CAPRIN2: variants seen among roughly 807,000 people sequenced by gnomAD.
CAPRIN2 encodes caprin-2.
CAPRIN2 carries 66 observed loss-of-function variants against 130.4 expected under a neutral mutation model. The observed-to-expected ratio is 0.51, with a 90% CI of 0.42 to 0.62. The LOEUF is 0.62. Among genes scored for constraint, CAPRIN2 ranks in the 20% least tolerant of loss-of-function variants. The pLI, the probability that CAPRIN2 is intolerant of heterozygous loss-of-function variation, is 0.00. For synonymous variants in CAPRIN2, 471 were observed against 444.1 expected, an observed-to-expected ratio of 1.06 and a Z score of -0.76; for missense variants, 1,185 against 1,246.6, an observed-to-expected ratio of 0.95 and a Z score of 0.74.
rs1315856424 is a variant in CAPRIN2, at chr12:30,716,625, C to CT, written c.2199dup (p.Glu734ArgfsTer45). 6.2e-7 allele frequency: 1 copy of CT among 1,613,898 alleles called. No individual in the cohort carries two copies. The highest frequency in any genetic ancestry group is 8.5e-7 in the Non-Finnish European group (1 of 1,179,870). On this transcript the variant is annotated frameshift_variant, in exon 13 of 17. Transcript: ENST00000298892. LOFTEE classifies it high-confidence loss of function. Reference sequence around the variant, plus strand: ...TTGTAGCCAGGTGAATAAGGGGATTCTTTTATTTCTTGTTCTTTTCGTGGA... The same window carrying CT: ...TTGTAGCCAGGTGAATAAGGGGATTCTTTTTATTTCTTGTTCTTTTCGTGGA...
chr12:30,711,401 G>A (rs553404106), intron 16 of CAPRIN2, among the ~76,000 whole-genome samples, 165 bp downstream of exon 18: 44 of 152,160 alleles, frequency 2.9e-4, no homozygotes, highest in African/African-American at 1.0e-3. Context: ...CTATCTAGTG[G>A]TCTAGTATCT....
At chr12:30,734,940 T>C (rs748852056) in intron 4 of CAPRIN2, 28 bp downstream of exon 5, 8 of 1,508,486 alleles carry the variant, frequency 5.3e-6, no homozygotes, top group East Asian at 2.3e-5. Flanking sequence ...AAGTGTTTCA[T>C]TTCAGGAAAA....
intron 3 of CAPRIN2, among the ~76,000 whole-genome samples, chr12:30,738,903 A>G (rs1441965321): frequency 1.3e-5 from 2 of 152,216 alleles, no homozygotes; most frequent in African/African-American, 2.4e-5. Context: ...TCAAAAACTG[A>G]CAAATGCTGT....
At chr12:30,711,536 T>A (rs757405792) in intron 16 of CAPRIN2, 30 bp downstream of exon 18, 18 of 1,559,796 alleles carry the variant, frequency 1.2e-5, no homozygotes, top group East Asian at 6.7e-5. Context: ...ATGTGCTGGG[T>A]AAGAAAACTA....
intron 3 of CAPRIN2, among the ~76,000 whole-genome samples, chr12:30,740,447 C>T (rs992141855): frequency 1.3e-5 from 2 of 152,112 alleles, no homozygotes; most frequent in South Asian, 2.1e-4. Context: ...GTAAAGAATA[C>T]TTCACTGAGA....
intron 3 of CAPRIN2, among the ~76,000 whole-genome samples, chr12:30,738,294 T>C (rs1469884358): frequency 6.7e-6 from 1 of 149,776 alleles, no homozygotes; most frequent in African/African-American, 2.5e-5. Flanking sequence ...ACCTCTAGAC[T>C]ACAGCAGCAA....
At chr12:30,747,637 A>G (rs544353020) in intron 2 of CAPRIN2, among the ~76,000 whole-genome samples, 1 of 151,990 alleles carries the variant, frequency 6.6e-6, no homozygotes, top group African/African-American at 2.4e-5. Flanking sequence ...AGATCGTGCC[A>G]TTGTACTCCA....
exon 8 of CAPRIN2, chr12:30,729,062 C>T: frequency 6.2e-7 from 1 of 1,614,156 alleles, no homozygotes; most frequent in African/African-American, 1.3e-5. Flanking sequence ...GCTTCTTCTG[C>T]TCTTCCGGCA....
In CAPRIN2 at chr12:30,729,894, G is replaced by A. The variant is rs529939882; in HGVS notation, c.1104+345C>T. On this transcript the variant is annotated intron_variant, in intron 7 of 16. Transcript: ENST00000298892. ...CCAATGTGAGTAAATTCTGGAGAGAGCAAAGTCCTGCGCATCTTAAAGTTC... is the reference window on the plus strand; with the variant it reads ...CCAATGTGAGTAAATTCTGGAGAGAACAAAGTCCTGCGCATCTTAAAGTTC... Among the ~76,000 whole-genome samples, 4 of 152,288 alleles carry A rather than the reference G, an allele frequency of 2.6e-5. No homozygotes were observed. The South Asian group carries it at 8.3e-4, about 32-fold the overall frequency.
intron 9 of CAPRIN2, among the ~76,000 whole-genome samples, chr12:30,725,738 A>G (rs551659636): frequency 4.0e-5 from 6 of 151,194 alleles, no homozygotes; most frequent in Non-Finnish European, 8.9e-5. Flanking sequence ...TGCTTAATTC[A>G]TTTTTTTTTG....
At chr12:30,750,424 G>A (rs777410822) in intron 2 of CAPRIN2, among the ~76,000 whole-genome samples, 8 of 152,160 alleles carry the variant, frequency 5.3e-5, no homozygotes, top group African/African-American at 9.6e-5. Flanking sequence ...TTTTCTTTCC[G>A]CGCTGCAAAA....
intron 6 of CAPRIN2, 68 bp from the exon 8 acceptor site, chr12:30,730,350 T>C: frequency 9.4e-7 from 1 of 1,059,042 alleles, no homozygotes; most frequent in Non-Finnish European, 1.5e-6. Context: ...ATTACAACTA[T>C]AATTCATTCT....
chr12:30,738,313 A>C lies in CAPRIN2; in HGVS notation c.570+2707T>G, dbSNP rs148317118. Among the ~76,000 whole-genome samples the C allele has an allele frequency of 2.9e-3, 442 of 152,218 alleles. 2 individuals carry two copies. Among genetic ancestry groups the C allele is most frequent in the East Asian group, 6.6e-3 (34 of 5,182 alleles). Reference sequence around the variant, plus strand: ...CTAGACTACAGCAGCAAAGAAAAAAAAAAACAAAACAGATAAGACACTATA... The same window carrying C: ...CTAGACTACAGCAGCAAAGAAAAAACAAAACAAAACAGATAAGACACTATA... On this transcript the variant is annotated intron_variant, in intron 3 of 16. Coordinates refer to ENST00000298892, the Ensembl canonical transcript of CAPRIN2.
chr12:30,715,177 A>C, intron 13 of CAPRIN2, 36 bp from the exon 16 acceptor site: 1 of 1,561,850 alleles, frequency 6.4e-7, no homozygotes, highest in Non-Finnish European at 8.8e-7. Flanking sequence ...TCCAAGAGTT[A>C]AATGGTAATA....
chr12:30,710,328 T>C lies in CAPRIN2; in HGVS notation c.2808A>G (p.Pro936=), dbSNP rs202247225. The change falls in exon 17 of 17, where the codon CCA becomes CCG. Residue 936 remains proline (P), a synonymous_variant. Coordinates refer to ENST00000298892, the Ensembl canonical transcript of CAPRIN2. The surrounding 1 kb of genome is among the most constrained non-coding windows in gnomAD (Gnocchi z 4.8). ...GCTGAGGCAGAGGGTAGACGTGTAC[T>C]GGCAGTATGGTGGCTGCTGGATTTG... 1 of 1,614,168 alleles carries C rather than the reference T, an allele frequency of 6.2e-7. No homozygotes were observed. The highest frequency in any genetic ancestry group is 2.2e-5 in the East Asian group (1 of 44,864).
At chr12:30,724,120 A>C (rs2060203435) in intron 10 of CAPRIN2, among the ~76,000 whole-genome samples, 1 of 152,210 alleles carries the variant, frequency 6.6e-6, no homozygotes, top group East Asian at 1.9e-4. Flanking sequence ...TAAATTACAA[A>C]AACAGCTATT....
chr12:30,743,805 C>T (rs2068610160), intron 2 of CAPRIN2, among the ~76,000 whole-genome samples: 1 of 152,150 alleles, frequency 6.6e-6, no homozygotes, highest in Non-Finnish European at 1.5e-5. Flanking sequence ...AGGATTCTGT[C>T]CTAGGCTTCT....
At chr12:30,744,104 A>G (rs916529284) in intron 2 of CAPRIN2, among the ~76,000 whole-genome samples, 1 of 152,098 alleles carries the variant, frequency 6.6e-6, no homozygotes, top group African/African-American at 2.4e-5. Context: ...GAAACCTGAA[A>G]CCACTCTCAG....
intron 2 of CAPRIN2, among the ~76,000 whole-genome samples, chr12:30,747,833 G>A (rs1238957588): frequency 6.6e-6 from 1 of 152,176 alleles, no homozygotes; most frequent in Non-Finnish European, 1.5e-5. Context: ...TTCATGGGAG[G>A]ATGTCAAAAT....
Sources: allele counts gnomAD v4.1 joint callset (sites outside exome capture counted in the v4.1 genomes callset), GRCh38; gene constraint gnomAD v4.1.1; non-coding constraint Gnocchi (gnomAD v3.1); transcripts MANE v1.5; gene names NCBI Gene and HGNC (gene_info 2026-07-23, HGNC 2026-07-21).